NRG1: variants seen among roughly 807,000 people sequenced by gnomAD.
NRG1 encodes the protein neuregulin 1.
NRG1 carries 18 observed loss-of-function variants against 63.8 expected under a neutral mutation model. The ratio of observed to expected loss-of-function variants is 0.28; its 90% CI spans 0.19 to 0.42. NRG1 has a LOEUF of 0.42. Ranked by LOEUF, NRG1 falls within the 10% of genes least tolerant of loss-of-function variation. The pLI is 1.00. For missense variants in NRG1, 762 were observed against 814.7 expected (o/e 0.94, Z 0.79); for synonymous variants, 302 against 301.3 (o/e 1.00, Z -0.02).
At chr8:32,291,809 T>C (rs1854234833) in intron 1 of NRG1, among the ~76,000 whole-genome samples, 1 of 152,170 alleles carries the variant, frequency 6.6e-6, no homozygotes, top group Non-Finnish European at 1.5e-5. Context: ...CCTCCCATAG[T>C]GCTGAGATTA....
intron 1 of NRG1, among the ~76,000 whole-genome samples, chr8:32,549,145 G>A (rs1269580316): frequency 6.6e-6 from 1 of 152,216 alleles, no homozygotes; most frequent in African/African-American, 2.4e-5. Context: ...AGCCCAGCCC[G>A]GGAGTGGGAC....
chr8:32,391,266 G>T (rs1371082764), intron 1 of NRG1, among the ~76,000 whole-genome samples: 2 of 151,946 alleles, frequency 1.3e-5, no homozygotes, highest in Non-Finnish European at 2.9e-5. Context: ...TAATAGCTGG[G>T]ATTACAGGCA....
In NRG1 at chr8:32,153,949, T is replaced by C. The variant is rs143467953; in HGVS notation, c.38-441879T>C. Among the ~76,000 whole-genome samples the C allele has an allele frequency of 3.4e-4, 52 of 152,336 alleles. No homozygotes were observed. In the East Asian group the frequency reaches 8.7e-3, roughly 25 times the overall value. ...TGAGCTTCCCGATAAGACAACATGA[T>C]GGAAACTACATGGTTTCATCCAGGT... is the stretch of plus-strand genomic sequence containing the variant. On this transcript the variant is annotated intron_variant, in intron 1 of 10. Transcript: ENST00000519301.
chr8:32,153,441 G>C (rs1837722818), intron 1 of NRG1, among the ~76,000 whole-genome samples: 1 of 152,146 alleles, frequency 6.6e-6, no homozygotes, highest in South Asian at 2.1e-4. Context: ...GAGGGAAAAT[G>C]GAGTTCCTGC....
Position 32,512,765 on chromosome 8 carries a change from G to A in NRG1, c.38-83063G>A, listed in dbSNP as rs537337034. 5.3e-5 allele frequency among the ~76,000 whole-genome samples: 8 copies of A among 152,278 alleles called. No homozygotes were observed. In the South Asian group the frequency reaches 6.2e-4, roughly 12 times the overall value. On this transcript the variant is annotated intron_variant, in intron 1 of 10. Coordinates refer to the NRG1 transcript ENST00000519301. ...CTTCCTGGTACAATGGATGCTTTACGTAGGAGGTGTTATAGGGAGAAATTC... is the reference window on the plus strand; with the variant it reads ...CTTCCTGGTACAATGGATGCTTTACATAGGAGGTGTTATAGGGAGAAATTC...
chr8:32,449,396 T>C (rs1462471763), intron 1 of NRG1, among the ~76,000 whole-genome samples: 1 of 151,264 alleles, frequency 6.6e-6, no homozygotes, highest in Non-Finnish European at 1.5e-5. Flanking sequence ...AGTGGGACTG[T>C]GGTTGTCTCT....
intron 1 of NRG1, among the ~76,000 whole-genome samples, chr8:31,736,410 C>T (rs374527355): frequency 2.0e-5 from 3 of 152,156 alleles, no homozygotes; most frequent in African/African-American, 4.8e-5. Flanking sequence ...GGCTTATCCT[C>T]TATTATCCTA....
intron 1 of NRG1, among the ~76,000 whole-genome samples, chr8:31,733,097 C>T (rs1814268712): frequency 6.6e-6 from 1 of 151,224 alleles, no homozygotes; most frequent in South Asian, 2.1e-4. Context: ...TCAATTAAGA[C>T]AATGGCCTCC....
chr8:31,899,818 T>C (rs746247848), intron 1 of NRG1, among the ~76,000 whole-genome samples: 2 of 152,122 alleles, frequency 1.3e-5, no homozygotes, highest in Non-Finnish European at 2.9e-5. Context: ...CTAAGGCAAG[T>C]GGTGAATAGA....
chr8:31,651,483 G>A (rs1053345135), intron 1 of NRG1, among the ~76,000 whole-genome samples: 1 of 152,182 alleles, frequency 6.6e-6, no homozygotes, highest in Non-Finnish European at 1.5e-5. Context: ...TGCTGAAATG[G>A]ATGAGGTCAG....
chr8:32,070,092 T>C (rs1267538657), intron 1 of NRG1, among the ~76,000 whole-genome samples: 2 of 152,254 alleles, frequency 1.3e-5, no homozygotes, highest in Non-Finnish European at 2.9e-5. Context: ...CTGAGAAGCA[T>C]TGATCCATAG....
At chr8:31,691,404 G>C (rs1283775110) in intron 1 of NRG1, among the ~76,000 whole-genome samples, 4 of 151,726 alleles carry the variant, frequency 2.6e-5, no homozygotes, top group Admixed American at 6.6e-5. Context: ...TCAGGAGTTC[G>C]AGACCACGGT....
chr8:31,888,196 A>C (rs558550557), intron 1 of NRG1, among the ~76,000 whole-genome samples: 9 of 151,996 alleles, frequency 5.9e-5, no homozygotes, highest in African/African-American at 1.2e-4. Flanking sequence ...TTATAACTTG[A>C]TAATTGTCTT....
intron 1 of NRG1, among the ~76,000 whole-genome samples, chr8:31,958,088 CAGAT>C (rs1012586126): frequency 2.9e-5 from 1 of 34,754 alleles, no homozygotes; most frequent in Non-Finnish European, 8.3e-5. Flanking sequence ...GATAGACAGA[CAGAT>C]AGATAGGCAG....
intron 1 of NRG1, among the ~76,000 whole-genome samples, chr8:32,516,640 C>G (rs1388396066): frequency 6.6e-6 from 1 of 152,086 alleles, no homozygotes; most frequent in Non-Finnish European, 1.5e-5. Flanking sequence ...TAGGTATCTT[C>G]CATCTCCTTG....
At chr8:32,457,102 A>C (rs1435131702) in intron 1 of NRG1, among the ~76,000 whole-genome samples, 1 of 152,210 alleles carries the variant, frequency 6.6e-6, no homozygotes, top group African/African-American at 2.4e-5. Flanking sequence ...ATTGCACTCC[A>C]GCCTAAGTGA....
chr8:32,072,802 T>C (rs939614334), intron 1 of NRG1, among the ~76,000 whole-genome samples: 1 of 152,166 alleles, frequency 6.6e-6, no homozygotes, highest in Admixed American at 6.6e-5. Flanking sequence ...ACCAGGAGTT[T>C]ACTGTTGACA....
At chr8:32,276,685 G>T (rs954336438) in intron 1 of NRG1, among the ~76,000 whole-genome samples, 1 of 152,090 alleles carries the variant, frequency 6.6e-6, no homozygotes, top group African/African-American at 2.4e-5. Context: ...TATATTTTTT[G>T]TAGAGGAAGG....
At chr8:31,743,173 CA>C (rs1307245922) in intron 1 of NRG1, among the ~76,000 whole-genome samples, 9 of 152,042 alleles carry the variant, frequency 5.9e-5, no homozygotes, top group Non-Finnish European at 5.9e-5. Flanking sequence ...ATTAAAAAGA[CA>C]AGTTGTCTCC....
Sources: gnomAD v4.1 joint callset for allele counts (sites outside exome capture counted in the v4.1 genomes callset) on GRCh38, gnomAD v4.1.1 for gene constraint, MANE v1.5 for transcripts, NCBI Gene and HGNC (gene_info 2026-07-23, HGNC 2026-07-21) for gene names.